The following STK10 variants were observed in gnomAD, a reference collection of about 807,000 sequenced individuals.
STK10 encodes serine/threonine kinase 10, also known as serine/threonine-protein kinase 10.
In STK10, 78 loss-of-function variants were observed where a neutral mutation model predicts 113.8. That is an observed-to-expected ratio of 0.69 (90% CI 0.57 to 0.83). STK10 has a LOEUF of 0.83. STK10 is among the 40% of genes least tolerant of loss of function. The pLI is 0.00. For synonymous variants in STK10, 465 were observed against 494.7 expected, an observed-to-expected ratio of 0.94 and a Z score of 0.80; for missense variants, 1,109 against 1,280.1, an observed-to-expected ratio of 0.87 and a Z score of 2.04.
intron 8 of STK10, among the ~76,000 whole-genome samples, chr5:172,095,920 T>C (rs1024371015): frequency 6.6e-6 from 1 of 152,214 alleles, no homozygotes; most frequent in African/African-American, 2.4e-5. Flanking sequence ...TTTACAAATT[T>C]AAATTAGCTT....
At chr5:172,077,228 G>A (rs56143252) in intron 12 of STK10, among the ~76,000 whole-genome samples, 32,121 of 152,134 alleles carry the variant, frequency 0.21, 4,420 homozygotes, top group African/African-American at 0.38. Flanking sequence ...ATCAGGAAAA[G>A]CCATCTGGCT....
chr5:172,082,893 G>C lies in STK10; in HGVS notation c.1809+68C>G, dbSNP rs1390021628. ...TCCACTACCCAATCATTCCCACTAT[G>C]TAGCTTCCACTGAGAGAACACCTGG... is the stretch of plus-strand genomic sequence containing the variant. On this transcript the variant is annotated intron_variant, in intron 11 of 18. Transcript: ENST00000176763. The surrounding 1 kb of genome is among the most constrained non-coding windows in gnomAD (Gnocchi z 4.3). 3.8e-6 allele frequency: 6 copies of C among 1,590,730 alleles called. No homozygotes were observed. In the Admixed American group the frequency reaches 7.3e-5, roughly 19 times the overall value.
At chr5:172,056,922 GAAGGAAGGAAAGA>G in intron 15 of STK10, 1 of 144,442 alleles carries the variant, frequency 6.9e-6, no homozygotes, top group Non-Finnish European at 1.5e-5. Flanking sequence ...AAGAAAGAAG[GAAGGAAGGAAAGA>G]AAAGAAAGAA....
chr5:172,064,709 C>T lies in STK10; in HGVS notation c.2082+11G>A, dbSNP rs1248019817. 1 of 1,613,722 alleles carries T rather than the reference C, an allele frequency of 6.2e-7. No homozygotes were observed. Reference sequence around the variant, plus strand: ...AGCCCCTGCGCTCCCCAGCTGAGGCCAGGGACTCACAAGAAGCTGCTTTTT... The same window carrying T: ...AGCCCCTGCGCTCCCCAGCTGAGGCTAGGGACTCACAAGAAGCTGCTTTTT... On this transcript the variant is annotated intron_variant, in intron 13 of 18. Transcript: ENST00000176763.
chr5:172,153,849 C>T (rs1019964764), intron 2 of STK10, among the ~76,000 whole-genome samples: 14 of 152,222 alleles, frequency 9.2e-5, no homozygotes, highest in African/African-American at 3.1e-4. Flanking sequence ...GACTGTTCTT[C>T]CTTCTCTTAT....
chr5:172,056,453 A>C (rs527708244), intron 15 of STK10, among the ~76,000 whole-genome samples: 2 of 152,348 alleles, frequency 1.3e-5, no homozygotes, highest in East Asian at 3.9e-4. Context: ...AAGGCTTCCC[A>C]GCAGAGGTGG....
Position 172,055,792 on chromosome 5 carries a change from C to CCT in STK10, c.2338-17_2338-16insAG. Reference sequence around the variant, plus strand: ...GCTCCCGCTCCTGGAGAGGAATATCCAGAGGGGCTGAGGGCAGCTGCACTC... The same window carrying CCT: ...GCTCCCGCTCCTGGAGAGGAATATCCCTAGAGGGGCTGAGGGCAGCTGCACTC... On this transcript the variant is annotated splice_polypyrimidine_tract_variant and intron_variant, in intron 15 of 18. Coordinates refer to ENST00000176763, the MANE Select transcript of STK10 (RefSeq NM_005990.4). 6.9e-7 allele frequency: 1 copy of CCT among 1,455,544 alleles called. No individual in the cohort carries two copies. The highest frequency in any genetic ancestry group is 1.5e-5 in the South Asian group (1 of 67,320). The allele number at this position is 1,455,544 out of a possible 1,614,324, so 90.2% of individuals were successfully genotyped here.
Position 172,055,726 on chromosome 5 carries a change from CT to C in STK10, c.2387del (p.Lys796ArgfsTer82). 2 of 1,579,988 alleles carry C rather than the reference CT, an allele frequency of 1.3e-6. No homozygotes were observed. Among genetic ancestry groups the C allele is most frequent in the Non-Finnish European group, 1.7e-6 (2 of 1,160,006 alleles). Reference sequence around the variant, plus strand: ...GCGCCTTTTCCTGTTGCTGCCGCACCTTCAGCTGCTCTATCATGCGCTGGTT... The same window carrying C: ...GCGCCTTTTCCTGTTGCTGCCGCACCTCAGCTGCTCTATCATGCGCTGGTT... The part of the protein sequence containing the change: ...RYNQRMIEQL[K>X]VRQQQEKARL... On this transcript the variant is annotated frameshift_variant, in exon 16 of 19. Transcript: ENST00000176763. LOFTEE classifies it high-confidence loss of function.
intron 3 of STK10, among the ~76,000 whole-genome samples, chr5:172,124,387 G>A (rs1378168671): frequency 6.6e-6 from 1 of 152,046 alleles, no homozygotes; most frequent in African/African-American, 2.4e-5. Flanking sequence ...ATAACCTAAA[G>A]TCTCAATTCA....
intron 1 of STK10, among the ~76,000 whole-genome samples, chr5:172,183,578 G>A (rs971336904): frequency 6.6e-6 from 1 of 151,186 alleles, no homozygotes; most frequent in African/African-American, 2.4e-5. Flanking sequence ...CCTCCTAGTA[G>A]CTGGGATTAC....
intron 3 of STK10, among the ~76,000 whole-genome samples, chr5:172,126,099 G>C (rs956511632): frequency 3.3e-5 from 5 of 152,248 alleles, no homozygotes; most frequent in Non-Finnish European, 7.3e-5. Context: ...TCCTGGACAT[G>C]TCACTCAACC....
At chr5:172,179,796 C>A (rs1770818984) in intron 1 of STK10, among the ~76,000 whole-genome samples, 2 of 152,210 alleles carry the variant, frequency 1.3e-5, no homozygotes, top group African/African-American at 4.8e-5. Flanking sequence ...CTGAGACCTT[C>A]CCCATCCCCA....
intron 3 of STK10, among the ~76,000 whole-genome samples, chr5:172,123,978 G>A (rs1198008475): frequency 6.6e-6 from 1 of 152,152 alleles, no homozygotes; most frequent in African/African-American, 2.4e-5. Flanking sequence ...CCTGGGCTGA[G>A]TGCACTGGCA....
intron 12 of STK10, 115 bp from the exon 13 acceptor site, chr5:172,064,927 G>T: frequency 1.8e-6 from 2 of 1,127,232 alleles, no homozygotes; most frequent in Non-Finnish European, 2.6e-6. Context: ...GCTCAGCTTT[G>T]CAGCGGCCAG....
rs35249764 is a variant in STK10 at position 172,141,214 on chromosome 5, C to A, written c.322-13793G>T. 3.3e-5 allele frequency among the ~76,000 whole-genome samples: 5 copies of A among 152,232 alleles called. No homozygotes were observed. In the East Asian group the frequency reaches 9.6e-4, roughly 29 times the overall value. ...TGGACAACGCTATAGCTATGGTCTG[C>A]ACAATGTGCTGTACACGTTAAAATG... On this transcript the variant is annotated intron_variant, in intron 2 of 18. Coordinates refer to ENST00000176763, the MANE Select transcript of STK10 (RefSeq NM_005990.4).
intron 1 of STK10, 143 bp from the exon 2 acceptor site, chr5:172,156,931 A>G (rs1770360770): frequency 1.1e-6 from 1 of 873,040 alleles, no homozygotes; most frequent in Middle Eastern, 3.6e-4. Flanking sequence ...GTTCTTAACA[A>G]TAGCCACACA....
At chr5:172,067,949 T>C (rs1184968565) in intron 12 of STK10, among the ~76,000 whole-genome samples, 1 of 152,122 alleles carries the variant, frequency 6.6e-6, no homozygotes, top group African/African-American at 2.4e-5. Flanking sequence ...TTAAGAGAAA[T>C]GTGACATATT....
At chr5:172,059,173 C>T (rs1767875784) in intron 14 of STK10, among the ~76,000 whole-genome samples, 1 of 152,102 alleles carries the variant, frequency 6.6e-6, no homozygotes. Flanking sequence ...GTAATCCCAG[C>T]ACTTTGGGAG....
rs1232726072 is a variant in STK10 at position 172,146,056 on chromosome 5, C to T, written c.321+10568G>A. 3.3e-5 allele frequency among the ~76,000 whole-genome samples: 5 copies of T among 150,416 alleles called. No individual in the cohort carries two copies. The East Asian group carries it at 5.8e-4, about 17-fold the overall frequency. On this transcript the variant is annotated intron_variant, in intron 2 of 18. Transcript: ENST00000176763. ...GCGTCCATCTGTTGTCCACAGCACA[C>T]GTCACCAACTCACGTCACCAACTCA...
Sources: allele counts gnomAD v4.1 joint callset (sites outside exome capture counted in the v4.1 genomes callset), GRCh38; gene constraint gnomAD v4.1.1; non-coding constraint Gnocchi (gnomAD v3.1); transcripts MANE v1.5; gene names NCBI Gene and HGNC (gene_info 2026-07-23, HGNC 2026-07-21).